TEX9: variants seen among roughly 807,000 people sequenced by gnomAD.
TEX9 encodes testis expressed 9.
Under a neutral mutation model 59.6 loss-of-function variants are expected in TEX9, and 74 were observed. The ratio of observed to expected loss-of-function variants is 1.24; its 90% CI spans 1.03 to 1.51. The LOEUF (loss-of-function observed/expected upper bound fraction) is 1.51. TEX9 is among the 40% of genes most tolerant of loss of function. The pLI, the probability that TEX9 is intolerant of heterozygous loss-of-function variation, is 0.00. For missense variants in TEX9, 522 were observed against 447.8 expected (o/e 1.17, Z -1.49); for synonymous variants, 186 against 152.2 (o/e 1.22, Z -1.64).
intron 10 of TEX9, among the ~76,000 whole-genome samples, 186 bp downstream of exon 10, chr15:56,412,622 G>A (rs149406641): frequency 1.3e-5 from 2 of 152,074 alleles, no homozygotes; most frequent in African/African-American, 2.4e-5. Flanking sequence ...CTTGTCTGTC[G>A]CCATTATTGG....
chr15:56,344,396 A>G (rs2046426982), intron 1 of TEX9, among the ~76,000 whole-genome samples: 1 of 152,202 alleles, frequency 6.6e-6, no homozygotes. Flanking sequence ...ACACTGTGCT[A>G]AATGAAAGAA....
chr15:56,297,138 G>C (rs2045236372), intron 1 of TEX9, among the ~76,000 whole-genome samples: 1 of 152,140 alleles, frequency 6.6e-6, no homozygotes, highest in South Asian at 2.1e-4. Flanking sequence ...AAAGAGAACA[G>C]GGAATGGCAA....
chr15:56,440,616 T>C (rs1227828930), intron 12 of TEX9, among the ~76,000 whole-genome samples: 6 of 152,134 alleles, frequency 3.9e-5, no homozygotes, highest in African/African-American at 9.6e-5. Context: ...TACATGCCAA[T>C]GGAATGTTAC....
chr15:56,412,221 G>C, intron 9 of TEX9, 81 bp from the exon 10 acceptor site: 3 of 1,315,324 alleles, frequency 2.3e-6, no homozygotes, highest in Non-Finnish European at 3.1e-6. Flanking sequence ...AAGGAATATG[G>C]ATATGGAAGA....
Position 56,300,708 on chromosome 15 carries a change from G to GGAGAGAGAGAGAGAGA in TEX9, c.-107+56453_-107+56468dup, listed in dbSNP as rs60361737. On this transcript the variant is annotated intron_variant, in intron 1 of 5. Transcript: ENST00000560827. ...AGCAGAGAGAGAGAGAGAGAGAGAG[G>GGAGAGAGAGAGAGAGA]GAGAGAGAGAGAGAGAGAGAGAGAG... is the stretch of plus-strand genomic sequence containing the variant. 1.2e-3 allele frequency among the ~76,000 whole-genome samples: 122 copies of GGAGAGAGAGAGAGAGA among 102,696 alleles called. 3 individuals are homozygous for GGAGAGAGAGAGAGAGA. Among genetic ancestry groups the GGAGAGAGAGAGAGAGA allele is most frequent in the African/African-American group, 4.6e-3 (117 of 25,338 alleles). The allele number at this position is 102,696 out of a possible 152,430, so 67.4% of individuals were successfully genotyped here. A position where few individuals can be genotyped will look rare whatever the true frequency, so the allele number is the denominator to read the frequency against.
In TEX9 at chr15:56,389,309, T is replaced by C; in HGVS notation, c.313-9T>C. ...TAATTAGTCAATACTTTCAATTCTTTTCATGTAGCCAAAGACCAAAAACAT... is the reference window on the plus strand; with the variant it reads ...TAATTAGTCAATACTTTCAATTCTTCTCATGTAGCCAAAGACCAAAAACAT... On this transcript the variant is annotated splice_polypyrimidine_tract_variant and intron_variant, in intron 5 of 12. Coordinates refer to ENST00000352903, the Ensembl canonical transcript of TEX9. 6.2e-7 allele frequency: 1 copy of C among 1,604,372 alleles called. No homozygotes were observed. Among genetic ancestry groups the C allele is most frequent in the Non-Finnish European group, 8.5e-7 (1 of 1,172,570 alleles).
At position 56,321,001 on chromosome 15, in the gene TEX9, C is replaced by A. The variant is rs533428441; in HGVS notation, c.-106-52440C>A. Among the ~76,000 whole-genome samples the A allele has an allele frequency of 1.4e-4, 22 of 152,282 alleles. No individual in the cohort carries two copies. In the East Asian group the frequency reaches 4.0e-3, roughly 28 times the overall value. ...AAGTTTGTCAAAGCCACTTTACAAT[C>A]GTAGCCTGCCAGAGTTGTTAACTTC... On this transcript the variant is annotated intron_variant, in intron 1 of 5. Coordinates refer to the TEX9 transcript ENST00000560827.
chr15:56,386,411 A>G (rs1350837535), intron 4 of TEX9, among the ~76,000 whole-genome samples: 1 of 151,934 alleles, frequency 6.6e-6, no homozygotes, highest in African/African-American at 2.4e-5. Flanking sequence ...AAAAGAGTAT[A>G]TTGTGTGATG....
At chr15:56,397,258 G>C (rs201925637) in intron 9 of TEX9, 1 of 156,104 alleles carries the variant, frequency 6.4e-6, no homozygotes, top group Non-Finnish European at 1.4e-5. Context: ...CTCCCCTAGA[G>C]ATCTGTGGAA....
intron 12 of TEX9, chr15:56,443,415 A>G (rs761378916): frequency 1.3e-6 from 2 of 1,527,386 alleles, no homozygotes; most frequent in South Asian, 1.3e-5. Flanking sequence ...CATTCTTTCC[A>G]TTTCTGAAAC....
intron 1 of TEX9, among the ~76,000 whole-genome samples, chr15:56,326,214 C>A (rs139674125): frequency 6.6e-6 from 1 of 152,150 alleles, no homozygotes; most frequent in African/African-American, 2.4e-5. Flanking sequence ...AAATCCTTCT[C>A]CTTGTAACTT....
At chr15:56,354,759 G>T (rs1391298229) in intron 1 of TEX9, among the ~76,000 whole-genome samples, 1 of 152,094 alleles carries the variant, frequency 6.6e-6, no homozygotes, top group African/African-American at 2.4e-5. Context: ...TTACTTAGAG[G>T]CATGGAAGAA....
At position 56,416,161 on chromosome 15, in the gene TEX9, G is replaced by A. The variant is rs187223442; in HGVS notation, c.963+3725G>A. On this transcript the variant is annotated intron_variant, in intron 10 of 12. Transcript: ENST00000352903. ...TGGGGTCTTCTAGATATAGAATTAC[G>A]CCGTCTGCAAACAGATAGTTTGACT... is the stretch of plus-strand genomic sequence containing the variant. Among the ~76,000 whole-genome samples the A allele has an allele frequency of 4.1e-4, 62 of 151,912 alleles. 1 individual carries two copies. In the East Asian group the frequency reaches 7.1e-3, roughly 17 times the overall value.
intron 3 of TEX9, among the ~76,000 whole-genome samples, chr15:56,383,066 A>C (rs2047802832): frequency 6.6e-6 from 1 of 152,160 alleles, no homozygotes; most frequent in South Asian, 2.1e-4. Context: ...TGGAGTTCTG[A>C]CCCACAGGAT....
chr15:56,409,145 G>A lies in TEX9; in HGVS notation c.829-3157G>A, dbSNP rs185297913. Among the ~76,000 whole-genome samples, 23 of 151,618 alleles carry A rather than the reference G, an allele frequency of 1.5e-4. 1 individual carries two copies. In the East Asian group the frequency reaches 3.7e-3, roughly 24 times the overall value. The stretch of plus-strand genomic sequence containing the variant: ...CGGGAGGCGGTGCTTGCAGTGAGCC[G>A]AGATTGCACCACTGCACTCCAGCCT... On this transcript the variant is annotated intron_variant, in intron 9 of 12. Coordinates refer to ENST00000352903, the Ensembl canonical transcript of TEX9.
chr15:56,320,830 T>G (rs2045885430), intron 1 of TEX9, among the ~76,000 whole-genome samples: 1 of 152,184 alleles, frequency 6.6e-6, no homozygotes, highest in African/African-American at 2.4e-5. Context: ...GGTCTAATAC[T>G]AAAGGGCTCC....
At chr15:56,318,646 A>G (rs1259408802) in intron 1 of TEX9, among the ~76,000 whole-genome samples, 1 of 152,004 alleles carries the variant, frequency 6.6e-6, no homozygotes, top group African/African-American at 2.4e-5. Context: ...AATATTATCT[A>G]GCATATAATT....
At chr15:56,450,379 C>G (rs77480592), downstream of TEX9, among the ~76,000 whole-genome samples, 1 of 152,072 alleles carries the variant, frequency 6.6e-6, no homozygotes, top group East Asian at 1.9e-4. Context: ...TTCATTCCCC[C>G]CAAAGAGAAA....
intron 1 of TEX9, chr15:56,274,464 T>C (rs2044622640): frequency 6.6e-6 from 1 of 152,212 alleles, no homozygotes; most frequent in Non-Finnish European, 1.5e-5. Context: ...AATCTTGTTC[T>C]TTTGGTTGCA....
Sources: gnomAD v4.1 joint callset for allele counts (sites outside exome capture counted in the v4.1 genomes callset) on GRCh38, gnomAD v4.1.1 for gene constraint, MANE v1.5 for transcripts, NCBI Gene and HGNC (gene_info 2026-07-23, HGNC 2026-07-21) for gene names.